FRMD4A: variants seen among roughly 807,000 people sequenced by gnomAD.
FRMD4A encodes FERM domain containing 4A, also known as FERM domain-containing protein 4A.
Under a neutral mutation model 129.1 loss-of-function variants are expected in FRMD4A, and 29 were observed. The ratio of observed to expected loss-of-function variants is 0.22; its 90% confidence interval spans 0.17 to 0.31. The LOEUF (loss-of-function observed/expected upper bound fraction) is 0.31, where lower values mean the gene tolerates loss of function less well. Ranked by LOEUF, FRMD4A falls within the 10% of genes least tolerant of loss-of-function variation. The pLI is 1.00. For synonymous variants in FRMD4A, 634 were observed against 571.6 expected (o/e 1.11, Z -1.56); for missense variants, 1,272 against 1,375.8 (o/e 0.92, Z 1.19).
intron 2 of FRMD4A, among the ~76,000 whole-genome samples, chr10:13,989,060 T>C (rs1395655127): frequency 1.3e-5 from 2 of 152,148 alleles, no homozygotes; most frequent in Admixed American, 6.5e-5. Context: ...ATGGAAATCT[T>C]TTCCCAAATG....
intron 2 of FRMD4A, among the ~76,000 whole-genome samples, chr10:14,077,395 T>G (rs1014500005): frequency 1.3e-5 from 2 of 152,218 alleles, no homozygotes; most frequent in African/African-American, 4.8e-5. Context: ...AGCTTTGGTT[T>G]TCTCATCTAT....
Position 13,908,979 on chromosome 10 carries a change from G to T in FRMD4A, c.46-50067C>A, listed in dbSNP as rs889172441. ...ACTCTAATTGTGACATTCTCAGTGA[G>T]GCCATCGCTGTACAGCCTAGTTACA... On this transcript the variant is annotated intron_variant, in intron 2 of 24. Transcript: ENST00000357447. 2.6e-5 allele frequency among the ~76,000 whole-genome samples: 4 copies of T among 152,188 alleles called. No individual in the cohort carries two copies. In the East Asian group the frequency reaches 7.7e-4, roughly 29 times the overall value.
chr10:14,029,906 T>A (rs1052076882), intron 2 of FRMD4A, among the ~76,000 whole-genome samples: 6 of 104,454 alleles, frequency 5.7e-5, no homozygotes, highest in Admixed American at 1.7e-4. Context: ...TTATTCTGCG[T>A]TGTGGATATC....
intron 2 of FRMD4A, among the ~76,000 whole-genome samples, chr10:13,962,491 C>T (rs1366193794): frequency 6.6e-6 from 1 of 152,046 alleles, no homozygotes; most frequent in Non-Finnish European, 1.5e-5. Context: ...AGACTAGAAC[C>T]TTTTGAGAAT....
At chr10:13,922,958 C>G (rs539668791) in intron 2 of FRMD4A, among the ~76,000 whole-genome samples, 90 of 152,232 alleles carry the variant, frequency 5.9e-4, no homozygotes, top group African/African-American at 2.0e-3. Flanking sequence ...GTGAGTAGTT[C>G]ATTCTTTGGT....
At position 13,991,252 on chromosome 10, in the gene FRMD4A, G is replaced by A. The variant is rs141359613; in HGVS notation, c.46-132340C>T. On this transcript the variant is annotated intron_variant, in intron 2 of 24. Coordinates refer to ENST00000357447, the MANE Select transcript of FRMD4A (RefSeq NM_018027.5). ...AGCGTAGAGTGAAAAGGACAAAAAGGAGGCTTCCAACATCCTGGTGGGAAC... is the reference window on the plus strand; with the variant it reads ...AGCGTAGAGTGAAAAGGACAAAAAGAAGGCTTCCAACATCCTGGTGGGAAC... Among the ~76,000 whole-genome samples the A allele has an allele frequency of 2.7e-3, 406 of 152,306 alleles. 1 individual carries two copies. The highest frequency in any genetic ancestry group is 0.01 in the Middle Eastern group (3 of 294).
chr10:14,059,214 T>G (rs764856330), intron 2 of FRMD4A, among the ~76,000 whole-genome samples: 4 of 152,096 alleles, frequency 2.6e-5, no homozygotes, highest in South Asian at 2.1e-4. Flanking sequence ...TTACTGTAAC[T>G]CCTCCCTCCT....
intron 2 of FRMD4A, among the ~76,000 whole-genome samples, chr10:14,251,748 C>T (rs1385581544): frequency 1.3e-5 from 2 of 152,060 alleles, no homozygotes; most frequent in Non-Finnish European, 2.9e-5. Context: ...GAGTTCATAC[C>T]CCAGCTCCAA....
At chr10:14,274,295 C>T (rs939659150) in intron 2 of FRMD4A, among the ~76,000 whole-genome samples, 3 of 152,174 alleles carry the variant, frequency 2.0e-5, no homozygotes, top group Admixed American at 6.5e-5. Context: ...TAGCAGATTA[C>T]GATCACCATG....
intron 2 of FRMD4A, among the ~76,000 whole-genome samples, chr10:14,148,481 TG>T (rs1413251673): frequency 6.6e-6 from 1 of 152,194 alleles, no homozygotes; most frequent in Non-Finnish European, 1.5e-5. Flanking sequence ...ACAATGAGAA[TG>T]GCCGGGTGCG....
chr10:13,969,094 C>T (rs1423706868), intron 2 of FRMD4A, among the ~76,000 whole-genome samples: 1 of 152,220 alleles, frequency 6.6e-6, no homozygotes, highest in East Asian at 1.9e-4. Flanking sequence ...CTGCAGACCA[C>T]CCCAGCCTGG....
chr10:14,194,723 T>A lies in FRMD4A; in HGVS notation c.45+135335A>T, dbSNP rs540851568. 4.6e-5 allele frequency among the ~76,000 whole-genome samples: 7 copies of A among 152,324 alleles called. No homozygotes were observed. The South Asian group carries it at 1.5e-3, about 32-fold the overall frequency. ...CTTTCTGGAATCTCTTATTTTATGGTTCTCTCTCTTTTATCTCCTTAAAGC... is the reference window on the plus strand; with the variant it reads ...CTTTCTGGAATCTCTTATTTTATGGATCTCTCTCTTTTATCTCCTTAAAGC... On this transcript the variant is annotated intron_variant, in intron 2 of 24. Transcript: ENST00000357447.
intron 13 of FRMD4A, among the ~76,000 whole-genome samples, chr10:13,706,410 C>T (rs1275192088): frequency 6.6e-6 from 1 of 152,178 alleles, no homozygotes; most frequent in African/African-American, 2.4e-5. Flanking sequence ...CACTGTCTTG[C>T]ATCTGACTTA....
chr10:14,112,327 C>T (rs1449254636), intron 2 of FRMD4A, among the ~76,000 whole-genome samples: 1 of 152,044 alleles, frequency 6.6e-6, no homozygotes, highest in Admixed American at 6.5e-5. Context: ...GAGGATTAAT[C>T]TGGCAGGTGT....
Position 13,646,301 on chromosome 10 carries a change from G to A in FRMD4A, c.*737C>T, listed in dbSNP as rs929082998. 2 of 152,584 alleles carry A rather than the reference G, an allele frequency of 1.3e-5. No individual in the cohort carries two copies. The highest frequency in any genetic ancestry group is 4.8e-5 in the African/African-American group (2 of 41,410). The allele number at this position is 152,584 out of a possible 1,614,324, so 9.5% of individuals were successfully genotyped here. A position where few individuals can be genotyped will look rare whatever the true frequency, so the allele number is the denominator to read the frequency against. On this transcript the variant is annotated 3_prime_UTR_variant, in exon 25 of 25. Transcript: ENST00000357447. ...TTGCAGAAAGAATGTCTTCCTCTTGGCCCCTCTTAATTTTTTATGTTTTTA... is the reference window on the plus strand; with the variant it reads ...TTGCAGAAAGAATGTCTTCCTCTTGACCCCTCTTAATTTTTTATGTTTTTA...
chr10:14,179,052 G>A (rs1841825410), intron 2 of FRMD4A, among the ~76,000 whole-genome samples: 1 of 152,158 alleles, frequency 6.6e-6, no homozygotes, highest in African/African-American at 2.4e-5. Flanking sequence ...TCTAGACTAG[G>A]AGCACTTGTA....
chr10:13,987,950 G>A (rs1009049297), intron 2 of FRMD4A, among the ~76,000 whole-genome samples: 6 of 152,172 alleles, frequency 3.9e-5, no homozygotes, highest in African/African-American at 9.7e-5. Context: ...CAATGTCATC[G>A]TGGCCAAAAA....
intron 2 of FRMD4A, among the ~76,000 whole-genome samples, chr10:13,967,112 A>G (rs564589218): frequency 9.2e-5 from 14 of 152,328 alleles, no homozygotes; most frequent in South Asian, 2.1e-4. Flanking sequence ...CGAGGCGGGC[A>G]GATCACGAGG....
At chr10:14,326,644 C>T (rs1843288614) in intron 2 of FRMD4A, 1 of 393,990 alleles carries the variant, frequency 2.5e-6, no homozygotes. Flanking sequence ...ACCGAAATGG[C>T]ATCATAACAC....
Sources: gnomAD v4.1 joint callset for allele counts (sites outside exome capture counted in the v4.1 genomes callset) on GRCh38, gnomAD v4.1.1 for gene constraint, MANE v1.5 for transcripts, NCBI Gene and HGNC (gene_info 2026-07-23, HGNC 2026-07-21) for gene names.